Variants in MAGI2 observed in about 807,000 individuals in gnomAD.
MAGI2 encodes the protein membrane associated guanylate kinase, WW and PDZ domain containing 2.
MAGI2 carries 35 observed loss-of-function variants against 133.3 expected under a neutral mutation model. The observed-to-expected ratio is 0.26, with a 90% CI of 0.20 to 0.35. The LOEUF (loss-of-function observed/expected upper bound fraction) is 0.35, where lower values mean the gene tolerates loss of function less well. Among genes scored for constraint, MAGI2 ranks in the 10% least tolerant of loss-of-function variants. The pLI is 1.00. For missense variants in MAGI2, 1,636 were observed against 1,863.4 expected, an observed-to-expected ratio of 0.88 and a Z score of 2.25; for synonymous variants, 729 against 710.6, an observed-to-expected ratio of 1.03 and a Z score of -0.41.
chr7:79,044,428 T>C (rs1007727355), intron 1 of MAGI2, among the ~76,000 whole-genome samples: 3 of 152,168 alleles, frequency 2.0e-5, no homozygotes, highest in African/African-American at 7.2e-5. Context: ...TGCAGGAACA[T>C]ATATCAAAAT....
intron 3 of MAGI2, among the ~76,000 whole-genome samples, chr7:78,553,633 A>G (rs1419543635): frequency 1.3e-5 from 2 of 152,176 alleles, no homozygotes; most frequent in Non-Finnish European, 2.9e-5. Context: ...AGCCCCAACA[A>G]TGTTCTAGAC....
chr7:79,080,818 A>G (rs533779816), intron 1 of MAGI2, among the ~76,000 whole-genome samples: 6 of 152,160 alleles, frequency 3.9e-5, no homozygotes, highest in South Asian at 4.2e-4. Context: ...ACTGCTCTCT[A>G]TCAGTTACCA....
intron 21 of MAGI2, among the ~76,000 whole-genome samples, chr7:78,043,596 C>T (rs916349120): frequency 2.0e-5 from 3 of 152,162 alleles, no homozygotes; most frequent in Admixed American, 2.0e-4. Flanking sequence ...CCTGTCAGTG[C>T]CTTCTTCTTT....
chr7:78,217,657 A>G (rs1788404678), intron 10 of MAGI2, among the ~76,000 whole-genome samples: 1 of 152,190 alleles, frequency 6.6e-6, no homozygotes, highest in South Asian at 2.1e-4. Context: ...GACTTGGCCC[A>G]CACCCTCTCT....
chr7:78,481,997 G>A (rs1353523691), intron 6 of MAGI2, among the ~76,000 whole-genome samples: 6 of 151,800 alleles, frequency 4.0e-5, no homozygotes, highest in African/African-American at 2.4e-5. Flanking sequence ...GAAAATGTTC[G>A]TAAGCAACAT....
At chr7:78,377,190 C>A (rs533525888) in intron 6 of MAGI2, among the ~76,000 whole-genome samples, 4 of 152,150 alleles carry the variant, frequency 2.6e-5, no homozygotes, top group African/African-American at 9.6e-5. Context: ...TAAAGCCACC[C>A]ATAACCTACA....
At chr7:78,474,522 A>T (rs1413294912) in intron 6 of MAGI2, among the ~76,000 whole-genome samples, 1 of 152,050 alleles carries the variant, frequency 6.6e-6, no homozygotes. Flanking sequence ...CTATAGGTGG[A>T]CAAAGCAAAA....
chr7:78,930,217 A>G (rs1800008565), intron 2 of MAGI2, among the ~76,000 whole-genome samples: 1 of 152,156 alleles, frequency 6.6e-6, no homozygotes, highest in South Asian at 2.1e-4. Context: ...TTTGGCTAAT[A>G]CAGCTCAGTA....
chr7:79,404,169 C>G (rs1307226704), intron 1 of MAGI2, among the ~76,000 whole-genome samples: 1 of 152,120 alleles, frequency 6.6e-6, no homozygotes, highest in Non-Finnish European at 1.5e-5. Context: ...CGTTTCACTC[C>G]TAATTTTTCT....
chr7:79,062,282 A>T (rs568562421), intron 1 of MAGI2, among the ~76,000 whole-genome samples: 1 of 152,186 alleles, frequency 6.6e-6, no homozygotes, highest in East Asian at 1.9e-4. Flanking sequence ...CCCATACTTC[A>T]TGTCTACAGT....
At chr7:78,996,660 A>G (rs1163408947) in intron 2 of MAGI2, among the ~76,000 whole-genome samples, 2 of 152,172 alleles carry the variant, frequency 1.3e-5, no homozygotes, top group Admixed American at 1.3e-4. Flanking sequence ...TGAACTTAAA[A>G]TAAAAGTTAA....
At chr7:79,158,956 AG>A (rs1824081929) in intron 1 of MAGI2, among the ~76,000 whole-genome samples, 1 of 152,090 alleles carries the variant, frequency 6.6e-6, no homozygotes, top group African/African-American at 2.4e-5. Context: ...AGTTTATTTA[AG>A]GTTTTATACC....
chr7:78,714,179 A>G (rs1819484874), intron 2 of MAGI2, among the ~76,000 whole-genome samples: 1 of 152,180 alleles, frequency 6.6e-6, no homozygotes. Flanking sequence ...GAAAAAAGAT[A>G]CATAAATGAA....
chr7:79,023,082 C>T (rs1809506470), intron 1 of MAGI2, among the ~76,000 whole-genome samples: 1 of 152,126 alleles, frequency 6.6e-6, no homozygotes, highest in Non-Finnish European at 1.5e-5. Context: ...ATGCAAAATT[C>T]CTCAACAAAA....
intron 1 of MAGI2, among the ~76,000 whole-genome samples, chr7:79,299,554 CAAAAA>C (rs57740248): frequency 1.2e-5 from 1 of 84,708 alleles, no homozygotes; most frequent in Non-Finnish European, 2.1e-5. Flanking sequence ...GACTCCATCT[CAAAAA>C]AAAAAAAAAA....
intron 1 of MAGI2, among the ~76,000 whole-genome samples, chr7:79,190,624 A>T (rs991011635): frequency 1.3e-5 from 2 of 151,846 alleles, no homozygotes; most frequent in Non-Finnish European, 2.9e-5. Context: ...ACTTTCTCAT[A>T]CATATTGCAA....
At chr7:78,739,897 G>A (rs965073351) in intron 2 of MAGI2, among the ~76,000 whole-genome samples, 6 of 152,108 alleles carry the variant, frequency 3.9e-5, no homozygotes, top group Admixed American at 1.3e-4. Context: ...GGTGGCTCAC[G>A]CCTGTAATCC....
chr7:78,578,946 A>C (rs1045457759), intron 3 of MAGI2, among the ~76,000 whole-genome samples: 6 of 152,106 alleles, frequency 3.9e-5, no homozygotes, highest in African/African-American at 1.4e-4. Context: ...AGCTTTTCCC[A>C]ATCACTTTTT....
chr7:78,757,894 A>G (rs1200388533), intron 2 of MAGI2, among the ~76,000 whole-genome samples: 1 of 152,168 alleles, frequency 6.6e-6, no homozygotes, highest in African/African-American at 2.4e-5. Flanking sequence ...GCATTTTACC[A>G]TAGAGTTTGC....
Sources: gnomAD v4.1 joint callset for allele counts (sites outside exome capture counted in the v4.1 genomes callset) on GRCh38, gnomAD v4.1.1 for gene constraint, MANE v1.5 for transcripts, NCBI Gene and HGNC (gene_info 2026-07-23, HGNC 2026-07-21) for gene names.